PDGFRB: variants seen among roughly 807,000 people sequenced by gnomAD.
PDGFRB encodes platelet derived growth factor receptor beta.
Under a neutral mutation model 120.2 loss-of-function variants are expected in PDGFRB, and 42 were observed. The observed-to-expected ratio is 0.35, with a 90% confidence interval of 0.27 to 0.45. The LOEUF (loss-of-function observed/expected upper bound fraction) is 0.45, where lower values mean the gene tolerates loss of function less well. Among genes scored for constraint, PDGFRB ranks in the 20% least tolerant of loss-of-function variants. The probability of loss-of-function intolerance (pLI) is 1.00; values close to 1 mark genes in which losing one functional copy is unlikely to be tolerated. For missense variants in PDGFRB, 1,149 were observed against 1,476.3 expected (o/e 0.78, Z 3.63); for synonymous variants, 586 against 606.8 (o/e 0.97, Z 0.50).
intron 21 of PDGFRB, among the ~76,000 whole-genome samples, chr5:150,118,464 G>A (rs899241724): frequency 7.9e-5 from 12 of 152,160 alleles, no homozygotes; most frequent in Admixed American, 5.2e-4. Context: ...CGGTATGGAG[G>A]TAAAGGCCTG....
At position 150,117,544 on chromosome 5, in the gene PDGFRB, GCACACACACA is replaced by G. The variant is rs3836743; in HGVS notation, c.3137+64_3137+73del. 3,161 of 516,308 alleles carry G rather than the reference GCACACACACA, an allele frequency of 6.1e-3. 42 individuals are homozygous for G. Among genetic ancestry groups the G allele is most frequent in the African/African-American group, 0.059 (2,081 of 35,090 alleles). The allele number at this position is 516,308 out of a possible 1,614,324, so 32.0% of individuals were successfully genotyped here. On this transcript the variant is annotated intron_variant, in intron 22 of 22. Coordinates refer to ENST00000261799, the MANE Select transcript of PDGFRB (RefSeq NM_002609.4). ...AACCTGGCAGCGCGCGCGCGCGCGC[GCACACACACA>G]CACACACACACACACACACACACAC...
Position 150,115,776 on chromosome 5 carries a change from T to A in PDGFRB, c.3308A>T (p.Asp1103Val), listed in dbSNP as rs1200297003. Reference protein sequence around the residue: ...GCPAPRAEAEDSFL With the variant: ...GCPAPRAEAEVSFL ...GGGGCCAGCCCCCTACAGGAAGCTA[T>A]CCTCTGCTTCCGCCCGAGGCGCAGG... is the stretch of plus-strand genomic sequence containing the variant. Residue 1103 changes from aspartate to valine, a missense_variant, in exon 23 of 23, where the codon GAT becomes GTT. Around this residue, in one of 3 missense-constraint regions of PDGFRB, gnomAD observed 202 missense variants for 214.3 expected, o/e 0.94. Coordinates refer to ENST00000261799, the MANE Select transcript of PDGFRB (RefSeq NM_002609.4). 6.2e-7 allele frequency: 1 copy of A among 1,606,636 alleles called. No homozygotes were observed. The highest frequency in any genetic ancestry group is 8.5e-7 in the Non-Finnish European group (1 of 1,176,622).
At chr5:150,115,988 CAGG>C in intron 22 of PDGFRB, 42 bp from the exon 23 acceptor site, 2 of 1,530,176 alleles carry the variant, frequency 1.3e-6, no homozygotes, top group Non-Finnish European at 1.8e-6. Context: ...GGAAGGAGCC[CAGG>C]AGGATTCCAG....
intron 8 of PDGFRB, among the ~76,000 whole-genome samples, 190 bp from the exon 9 acceptor site, chr5:150,130,852 T>C (rs1440079083): frequency 6.6e-6 from 1 of 152,130 alleles, no homozygotes; most frequent in Non-Finnish European, 1.5e-5. Flanking sequence ...AGGGAACGCC[T>C]CAGCAGGGTG....
rs147157971 is a variant in PDGFRB, at chr5:150,137,755, C to G, written c.-6-702G>C. Among the ~76,000 whole-genome samples, 1,182 of 152,310 alleles carry G rather than the reference C, an allele frequency of 7.8e-3. 14 individuals are homozygous for G. The highest frequency in any genetic ancestry group is 8.8e-3 in the Non-Finnish European group (601 of 68,032). On this transcript the variant is annotated intron_variant, in intron 1 of 22. Transcript: ENST00000261799. ...GAGACCAGTGAAGCCAGGCTCCCCC[C>G]ACCCCCACCCCCAGGGTGCAGATGG...
rs74583134 is a variant in PDGFRB, at chr5:150,149,069, C to A, written c.-7+6328G>T. On this transcript the variant is annotated intron_variant, in intron 1 of 22. Coordinates refer to ENST00000261799, the MANE Select transcript of PDGFRB (RefSeq NM_002609.4). ...TGCTGTGTGAGGATTTTCTCTGGAC[C>A]ACCAACTTTTCAAGGTGTTGATAGT... Among the ~76,000 whole-genome samples, 1,084 of 152,264 alleles carry A rather than the reference C, an allele frequency of 7.1e-3. 16 individuals are homozygous for A. The highest frequency in any genetic ancestry group is 0.025 in the African/African-American group (1,056 of 41,538).
At chr5:150,135,239 G>A (rs773759286) in intron 3 of PDGFRB, among the ~76,000 whole-genome samples, 1 of 152,218 alleles carries the variant, frequency 6.6e-6, no homozygotes, top group African/African-American at 2.4e-5. Flanking sequence ...GTCACAAGTT[G>A]AAATGCAGCT....
intron 1 of PDGFRB, among the ~76,000 whole-genome samples, chr5:150,146,403 G>C (rs923969725): frequency 6.6e-6 from 1 of 152,192 alleles, no homozygotes; most frequent in African/African-American, 2.4e-5. Context: ...CACCCTGTGA[G>C]GGGGGTACAC....
At chr5:150,123,993 G>C (rs758063784) in intron 14 of PDGFRB, among the ~76,000 whole-genome samples, 6 of 152,242 alleles carry the variant, frequency 3.9e-5, no homozygotes, top group Non-Finnish European at 7.3e-5. Context: ...AAATAAAAAA[G>C]TGTCAGCCAA....
chr5:150,148,785 G>A (rs1026476890), intron 1 of PDGFRB, among the ~76,000 whole-genome samples: 1 of 152,248 alleles, frequency 6.6e-6, no homozygotes, highest in African/African-American at 2.4e-5. Flanking sequence ...TTACTCCAGT[G>A]GGGAGAGCGG....
At chr5:150,117,542 G>GCGTGCA in intron 22 of PDGFRB, 76 bp downstream of exon 22, 1 of 461,984 alleles carries the variant, frequency 2.2e-6, no homozygotes, top group South Asian at 2.9e-5. Flanking sequence ...GCGCGCGCGC[G>GCGTGCA]CGCACACACA....
At chr5:150,123,376 C>G (rs1314778168) in intron 14 of PDGFRB, among the ~76,000 whole-genome samples, 175 bp from the exon 15 acceptor site, 1 of 152,222 alleles carries the variant, frequency 6.6e-6, no homozygotes, top group African/African-American at 2.4e-5. Flanking sequence ...GAGCAAGGTA[C>G]TTAGTCTCCC....
intron 1 of PDGFRB, among the ~76,000 whole-genome samples, chr5:150,138,164 C>T (rs1760690261): frequency 6.6e-6 from 1 of 152,182 alleles, no homozygotes; most frequent in African/African-American, 2.4e-5. Context: ...AGGAAGGACG[C>T]CAGAGGACAG....
intron 1 of PDGFRB, among the ~76,000 whole-genome samples, chr5:150,144,097 G>A (rs1030647432): frequency 1.3e-5 from 2 of 152,038 alleles, no homozygotes; most frequent in South Asian, 2.1e-4. Flanking sequence ...GAAGAATAGC[G>A]CTGGTTCCCT....
intron 1 of PDGFRB, among the ~76,000 whole-genome samples, chr5:150,143,161 C>G (rs1025947154): frequency 1.3e-5 from 2 of 152,226 alleles, no homozygotes; most frequent in Admixed American, 6.5e-5. Context: ...AAGATTTCAT[C>G]ACACTACTCA....
intron 14 of PDGFRB, among the ~76,000 whole-genome samples, chr5:150,123,530 T>G (rs1760206910): frequency 6.6e-6 from 1 of 152,220 alleles, no homozygotes; most frequent in South Asian, 2.1e-4. Flanking sequence ...GTTTTCAAAC[T>G]AAAGCTTACT....
chr5:150,135,313 C>A (rs184792740), intron 3 of PDGFRB, among the ~76,000 whole-genome samples: 19 of 152,252 alleles, frequency 1.2e-4, no homozygotes, highest in Admixed American at 7.2e-4. Flanking sequence ...AGATTGGAAG[C>A]AGCTGAGAAT....
chr5:150,115,755 C>A lies in PDGFRB; in HGVS notation c.*8G>T, dbSNP rs1249072488. On this transcript the variant is annotated 3_prime_UTR_variant, in exon 23 of 23. Transcript: ENST00000261799. ...AGCTTCAGGCAGGGCAGGGTAGGGG[C>A]CAGCCCCCTACAGGAAGCTATCCTC... 7 of 1,587,782 alleles carry A rather than the reference C, an allele frequency of 4.4e-6. No individual in the cohort carries two copies. Among genetic ancestry groups the A allele is most frequent in the Non-Finnish European group, 6.0e-6 (7 of 1,166,068 alleles).
intron 1 of PDGFRB, among the ~76,000 whole-genome samples, chr5:150,143,425 C>A (rs535533312): frequency 1.3e-5 from 2 of 152,092 alleles, no homozygotes; most frequent in African/African-American, 4.8e-5. Flanking sequence ...GGGAAGGCAG[C>A]TGTGCTGAGC....
Sources: allele counts gnomAD v4.1 joint callset (sites outside exome capture counted in the v4.1 genomes callset), GRCh38; gene constraint gnomAD v4.1.1; regional missense constraint gnomAD v4.1.1; transcripts MANE v1.5; gene names NCBI Gene and HGNC (gene_info 2026-07-23, HGNC 2026-07-21).